ARNT: variants seen among roughly 807,000 people sequenced by gnomAD.
The protein encoded by ARNT is class E basic helix-loop-helix protein 2.
A neutral mutation model predicts 105.0 loss-of-function variants in ARNT; 30 were observed. The ratio of observed to expected loss-of-function variants is 0.29; its 90% confidence interval spans 0.21 to 0.39. The LOEUF (loss-of-function observed/expected upper bound fraction) is 0.39, where lower values mean the gene tolerates loss of function less well. ARNT is among the 10% of genes least tolerant of loss of function. The pLI is 1.00. For missense variants in ARNT, 748 were observed against 978.7 expected, an observed-to-expected ratio of 0.76 and a Z score of 3.15; for synonymous variants, 304 against 344.0, an observed-to-expected ratio of 0.88 and a Z score of 1.29.
intron 9 of ARNT, 58 bp downstream of exon 9, chr1:150,832,276 G>T (rs1659483149): frequency 6.4e-7 from 1 of 1,568,338 alleles, no homozygotes; most frequent in Non-Finnish European, 8.8e-7. Context: ...AGGTAAAAAT[G>T]TGATGATCTC....
intron 1 of ARNT, chr1:150,861,367 A>T (rs762286929): frequency 1.1e-5 from 4 of 366,792 alleles, no homozygotes; most frequent in Non-Finnish European, 1.6e-5. Context: ...TTACCACATG[A>T]TCCAGCAATT....
intron 13 of ARNT, among the ~76,000 whole-genome samples, chr1:150,825,376 T>C (rs1051938478): frequency 2.0e-5 from 3 of 152,208 alleles, no homozygotes; most frequent in African/African-American, 2.4e-5. Context: ...AATATATTCA[T>C]TGTATCAATA....
intron 11 of ARNT, 197 bp from the exon 12 acceptor site, chr1:150,829,424 A>C (rs915912958): frequency 8.0e-6 from 5 of 622,234 alleles, no homozygotes; most frequent in South Asian, 1.9e-5. Flanking sequence ...GCTCCCATAC[A>C]TTTACACTTT....
At chr1:150,829,654 A>G (rs1658972381) in intron 11 of ARNT, 6 of 565,304 alleles carry the variant, frequency 1.1e-5, no homozygotes, top group Non-Finnish European at 1.9e-5. Flanking sequence ...ATTAACTGGA[A>G]ATAGAAAATT....
At chr1:150,852,381 C>T (rs1019789291) in intron 3 of ARNT, among the ~76,000 whole-genome samples, 1 of 152,066 alleles carries the variant, frequency 6.6e-6, no homozygotes, top group Admixed American at 6.5e-5. Context: ...GACAGAAATA[C>T]CCAGCCATCC....
chr1:150,839,417 C>G, intron 6 of ARNT, 24 bp downstream of exon 6: 1 of 1,613,348 alleles, frequency 6.2e-7, no homozygotes, highest in Non-Finnish European at 8.5e-7. Context: ...TCCAGACTCT[C>G]TCAGAACTAT....
At chr1:150,834,366 T>C (rs1347466410) in intron 8 of ARNT, among the ~76,000 whole-genome samples, 172 bp downstream of exon 8, 1 of 152,174 alleles carries the variant, frequency 6.6e-6, no homozygotes, top group Non-Finnish European at 1.5e-5. Flanking sequence ...GTCTGGCAAG[T>C]TCAGAAACGT....
At chr1:150,873,963 T>G (rs1371965398) in intron 1 of ARNT, among the ~76,000 whole-genome samples, 1 of 123,944 alleles carries the variant, frequency 8.1e-6, no homozygotes, top group African/African-American at 3.1e-5. Flanking sequence ...TTAACTGAAG[T>G]GAAGGTTAAA....
chr1:150,819,316 C>T (rs1656591185), intron 14 of ARNT, among the ~76,000 whole-genome samples: 1 of 151,804 alleles, frequency 6.6e-6, no homozygotes, highest in African/African-American at 2.4e-5. Flanking sequence ...CTTTGGAAAA[C>T]AGTTTGGCAG....
intron 2 of ARNT, among the ~76,000 whole-genome samples, chr1:150,854,782 G>A (rs587741401): frequency 1.7e-4 from 26 of 150,486 alleles, no homozygotes; most frequent in African/African-American, 5.9e-4. Context: ...GCCTGAACCC[G>A]GGAGGCAGAG....
intron 3 of ARNT, among the ~76,000 whole-genome samples, chr1:150,851,321 G>A (rs1272546234): frequency 3.0e-4 from 45 of 152,250 alleles, no homozygotes; most frequent in African/African-American, 1.0e-3. Context: ...GGGAAGTGAG[G>A]AGCCCCTCTG....
chr1:150,841,980 T>C (rs1315208283), intron 5 of ARNT, among the ~76,000 whole-genome samples: 1 of 152,184 alleles, frequency 6.6e-6, no homozygotes, highest in Admixed American at 6.5e-5. Context: ...TGAGTCTTCA[T>C]AGGAAAATAG....
chr1:150,865,392 T>C (rs1666396910), intron 1 of ARNT, among the ~76,000 whole-genome samples: 1 of 152,054 alleles, frequency 6.6e-6, no homozygotes, highest in African/African-American at 2.4e-5. Context: ...AAGAACTAAA[T>C]CCTAAACTGA....
At chr1:150,824,105 T>G (rs891038709) in intron 13 of ARNT, among the ~76,000 whole-genome samples, 1 of 151,884 alleles carries the variant, frequency 6.6e-6, no homozygotes, top group African/African-American at 2.4e-5. Context: ...CCTCCCAAAG[T>G]GCTAGGATTA....
intron 4 of ARNT, among the ~76,000 whole-genome samples, chr1:150,843,530 T>A (rs1410882570): frequency 1.3e-5 from 2 of 152,214 alleles, no homozygotes; most frequent in Non-Finnish European, 2.9e-5. Flanking sequence ...TGAAGAAGAA[T>A]GTAAAAATTT....
At chr1:150,848,980 G>A (rs1299300440) in intron 3 of ARNT, among the ~76,000 whole-genome samples, 5 of 152,120 alleles carry the variant, frequency 3.3e-5, no homozygotes, top group Non-Finnish European at 7.4e-5. Flanking sequence ...GAGGTGGGCG[G>A]ATCACCTGAG....
chr1:150,813,511 T>G (rs587733247), intron 20 of ARNT, among the ~76,000 whole-genome samples, 173 bp from the exon 21 acceptor site: 1 of 152,362 alleles, frequency 6.6e-6, no homozygotes, highest in South Asian at 2.1e-4. Context: ...AAATTAATTC[T>G]TCTTCTCCAG....
Position 150,876,546 on chromosome 1 carries a change from G to C in ARNT, c.22C>G (p.Pro8Ala), listed in dbSNP as rs1303125672. ...CCCCAGTCCTCCGTCTCCTCACCGG[G>C]GTTGGCAGTAGTCGCCGCCATGGCC... MAATTAN[P>A]EMTSDVPSLG... The change falls in exon 1 of 22, where the codon CCC (proline) becomes GCC (alanine). Residue 8 changes from proline (P) to alanine (A), a missense_variant. Coordinates refer to ENST00000358595, the MANE Select transcript of ARNT (RefSeq NM_001668.4). The C allele has an allele frequency of 1.9e-6, 3 of 1,551,000 alleles. No individual in the cohort carries two copies. The highest frequency in any genetic ancestry group is 2.4e-5 in the South Asian group (2 of 84,178).
intron 1 of ARNT, among the ~76,000 whole-genome samples, chr1:150,863,006 G>A (rs587655778): frequency 4.7e-5 from 7 of 148,582 alleles, no homozygotes; most frequent in South Asian, 2.1e-4. Flanking sequence ...AGCCAAGATC[G>A]TGCCACTGCA....
Sources: allele counts gnomAD v4.1 joint callset (sites outside exome capture counted in the v4.1 genomes callset), GRCh38; gene constraint gnomAD v4.1.1; transcripts MANE v1.5; gene names NCBI Gene and HGNC (gene_info 2026-07-23, HGNC 2026-07-21).